Variants in CEP112 observed in about 807,000 individuals in gnomAD.
The protein encoded by CEP112 is centrosomal protein 112.
Under a neutral mutation model 153.0 loss-of-function variants are expected in CEP112, and 127 were observed. The observed-to-expected ratio is 0.83, with a 90% CI of 0.72 to 0.96. The LOEUF (loss-of-function observed/expected upper bound fraction) is 0.96, where lower values mean the gene tolerates loss of function less well. Ranked by LOEUF, CEP112 falls within the 40% of genes least tolerant of loss-of-function variation. The pLI, the probability that CEP112 is intolerant of heterozygous loss-of-function variation, is 0.00. For synonymous variants in CEP112, 358 were observed against 374.4 expected, an observed-to-expected ratio of 0.96 and a Z score of 0.51; for missense variants, 1,089 against 1,101.2, an observed-to-expected ratio of 0.99 and a Z score of 0.16.
At chr17:65,928,236 A>T (rs987190537) in intron 18 of CEP112, among the ~76,000 whole-genome samples, 2 of 152,242 alleles carry the variant, frequency 1.3e-5, no homozygotes, top group African/African-American at 2.4e-5. Context: ...ATATCACTTC[A>T]TGCCCCAAAG....
chr17:65,748,107 T>A (rs569981063), intron 22 of CEP112, among the ~76,000 whole-genome samples: 5 of 152,342 alleles, frequency 3.3e-5, no homozygotes, highest in Admixed American at 1.3e-4. Flanking sequence ...TTTTAAATAA[T>A]CTGACATGCT....
intron 23 of CEP112, among the ~76,000 whole-genome samples, chr17:65,713,809 C>T (rs1013884752): frequency 8.6e-5 from 13 of 151,938 alleles, no homozygotes; most frequent in African/African-American, 3.1e-4. Flanking sequence ...AGGATGGTCT[C>T]GATCTCCTGA....
intron 24 of CEP112, chr17:65,644,640 T>C (rs1045841778): frequency 2.6e-5 from 4 of 156,172 alleles, no homozygotes; most frequent in Non-Finnish European, 5.7e-5. Context: ...ATAAAGTATA[T>C]TCACAGTAGA....
chr17:65,869,273 G>C (rs1054668143), intron 20 of CEP112, among the ~76,000 whole-genome samples: 1 of 152,140 alleles, frequency 6.6e-6, no homozygotes, highest in Non-Finnish European at 1.5e-5. Context: ...GAGCCAATAA[G>C]GCATATTTGG....
chr17:66,168,477 G>GTGTGTGTGTA (rs2072089714), intron 4 of CEP112, among the ~76,000 whole-genome samples: 1 of 149,800 alleles, frequency 6.7e-6, no homozygotes, highest in Non-Finnish European at 1.5e-5. Context: ...GTGTATATAT[G>GTGTGTGTGTA]TATATATGTG....
intron 6 of CEP112, among the ~76,000 whole-genome samples, chr17:66,108,645 A>C (rs1598366384): frequency 6.6e-6 from 1 of 152,290 alleles, no homozygotes; most frequent in East Asian, 1.9e-4. Context: ...AGAAAATGAA[A>C]CCTTTGTACA....
chr17:66,169,012 T>C (rs2072121686), intron 4 of CEP112, among the ~76,000 whole-genome samples: 1 of 152,162 alleles, frequency 6.6e-6, no homozygotes, highest in African/African-American at 2.4e-5. Flanking sequence ...TGTCTCTATG[T>C]CTGTCATCGT....
At position 65,677,181 on chromosome 17, in the gene CEP112, T is replaced by C. The variant is rs62063564; in HGVS notation, c.2697+11948A>G. 3.6e-3 allele frequency among the ~76,000 whole-genome samples: 542 copies of C among 152,346 alleles called. 1 individual carries two copies. The highest frequency in any genetic ancestry group is 5.8e-3 in the Non-Finnish European group (398 of 68,040). On this transcript the variant is annotated intron_variant, in intron 24 of 26. Transcript: ENST00000535342. ...TTCTCACCATTTTAGAATAAACCTG[T>C]CTGTAAATCTCACATACAAAACCTA...
intron 24 of CEP112, among the ~76,000 whole-genome samples, chr17:65,647,499 A>C (rs1224912106): frequency 7.7e-6 from 1 of 130,228 alleles, no homozygotes; most frequent in Non-Finnish European, 1.6e-5. Flanking sequence ...TTCAAGAGAC[A>C]GGGTCTTGCT....
At chr17:66,038,376 T>G (rs2065832799) in intron 12 of CEP112, among the ~76,000 whole-genome samples, 1 of 152,218 alleles carries the variant, frequency 6.6e-6, no homozygotes, top group Non-Finnish European at 1.5e-5. Flanking sequence ...TAAAGCATTT[T>G]CTGAACACTA....
Position 65,688,662 on chromosome 17 carries a change from T to C in CEP112, c.2697+467A>G, listed in dbSNP as rs140393233. 3.0e-3 allele frequency: 463 copies of C among 156,506 alleles called. 1 individual carries two copies. The highest frequency in any genetic ancestry group is 5.2e-3 in the Non-Finnish European group (370 of 70,800). The allele number at this position is 156,506 out of a possible 1,614,324, so 9.7% of individuals were successfully genotyped here. ...TCATGAGAATGCTTTACTTGTGGAC[T>C]TCTTGTTCTGTGAGGTAATAAATTG... On this transcript the variant is annotated intron_variant, in intron 24 of 26. Transcript: ENST00000535342.
chr17:65,901,987 G>GC (rs2059869762), intron 20 of CEP112, among the ~76,000 whole-genome samples, 165 bp downstream of exon 20: 3 of 43,070 alleles, frequency 7.0e-5, no homozygotes, highest in Admixed American at 2.4e-4. Context: ...CCAAAACGGG[G>GC]GGGGGGGGGG....
chr17:65,872,141 A>G (rs1465448175), intron 20 of CEP112, among the ~76,000 whole-genome samples: 1 of 152,192 alleles, frequency 6.6e-6, no homozygotes, highest in Non-Finnish European at 1.5e-5. Flanking sequence ...TATAAAATAC[A>G]TAATTGTTAA....
At chr17:65,708,099 A>T (rs1260716463) in intron 23 of CEP112, among the ~76,000 whole-genome samples, 1 of 151,942 alleles carries the variant, frequency 6.6e-6, no homozygotes, top group Non-Finnish European at 1.5e-5. Context: ...CAAACCAAAC[A>T]TCTAAAGCTT....
At chr17:65,939,081 G>A (rs2144439007) in intron 18 of CEP112, among the ~76,000 whole-genome samples, 1 of 151,752 alleles carries the variant, frequency 6.6e-6, no homozygotes, top group African/African-American at 2.4e-5. Flanking sequence ...CAAAGTGTTG[G>A]GATTATAGAT....
At position 65,896,138 on chromosome 17, in the gene CEP112, C is replaced by A. The variant is rs73346803; in HGVS notation, c.2163+6014G>T. On this transcript the variant is annotated intron_variant, in intron 20 of 26. Coordinates refer to ENST00000535342, the MANE Select transcript of CEP112 (RefSeq NM_001199165.4). Reference sequence around the variant, plus strand: ...TGTCTTTAAAAGAAATGCTCCCTATCTAAAAGTGGACCAAATACCACAGAA... The same window carrying A: ...TGTCTTTAAAAGAAATGCTCCCTATATAAAAGTGGACCAAATACCACAGAA... Among the ~76,000 whole-genome samples, 1,509 of 152,206 alleles carry A rather than the reference C, an allele frequency of 9.9e-3. 32 individuals carry two copies. Among genetic ancestry groups the A allele is most frequent in the African/African-American group, 0.035 (1,438 of 41,540 alleles).
rs1392049273 is a variant in CEP112 at position 65,644,347 on chromosome 17, G to A, written c.2698-3282C>T. ...TGCCAAGATGGTGAAGCCCAATGGT[G>A]AGAAGCCGGACAAGTTCAAGTCTGG... On this transcript the variant is annotated intron_variant, in intron 24 of 26. Coordinates refer to ENST00000535342, the MANE Select transcript of CEP112 (RefSeq NM_001199165.4). 9.0e-6 allele frequency: 5 copies of A among 558,078 alleles called. No homozygotes were observed. In the East Asian group the frequency reaches 1.7e-4, roughly 19 times the overall value. The allele number at this position is 558,078 out of a possible 1,614,324, so 34.6% of individuals were successfully genotyped here.
At position 65,875,549 on chromosome 17, in the gene CEP112, T is replaced by C. The variant is rs191398894; in HGVS notation, c.2164-23515A>G. ...CATTGATTTTCTGCTATAAAAAATA[T>C]TTAGTTTACTTACACCATTTACTCT... is the stretch of plus-strand genomic sequence containing the variant. On this transcript the variant is annotated intron_variant, in intron 20 of 26. Transcript: ENST00000535342. 2.8e-3 allele frequency among the ~76,000 whole-genome samples: 433 copies of C among 152,300 alleles called. 1 individual carries two copies. Among genetic ancestry groups the C allele is most frequent in the African/African-American group, 1.0e-2 (415 of 41,582 alleles).
At chr17:66,024,130 A>G (rs906396740) in intron 16 of CEP112, among the ~76,000 whole-genome samples, 1 of 152,164 alleles carries the variant, frequency 6.6e-6, no homozygotes, top group Non-Finnish European at 1.5e-5. Context: ...CCCTAATGAT[A>G]AAAACCTTCA....
Sources: allele counts gnomAD v4.1 joint callset (sites outside exome capture counted in the v4.1 genomes callset), GRCh38; gene constraint gnomAD v4.1.1; transcripts MANE v1.5; gene names NCBI Gene and HGNC (gene_info 2026-07-23, HGNC 2026-07-21).